GRIN2C: variants seen among roughly 807,000 people sequenced by gnomAD.
The protein encoded by GRIN2C is glutamate ionotropic receptor NMDA type subunit 2C.
A neutral mutation model predicts 77.7 loss-of-function variants in GRIN2C; 64 were observed. That is an observed-to-expected ratio of 0.82 (90% CI 0.67 to 1.01). The LOEUF (loss-of-function observed/expected upper bound fraction) is 1.01, where lower values mean the gene tolerates loss of function less well. Ranked by LOEUF, GRIN2C falls within the 50% of genes least tolerant of loss-of-function variation. The pLI is 0.00. For missense variants in GRIN2C, 1,549 were observed against 1,486.0 expected (o/e 1.04, Z -0.70); for synonymous variants, 792 against 643.4 (o/e 1.23, Z -3.49).
At chr17:74,854,071 C>G (rs1271230540) in intron 2 of GRIN2C, 5 of 152,774 alleles carry the variant, frequency 3.3e-5, no homozygotes, top group African/African-American at 1.2e-4. Flanking sequence ...GGGCCTCTCC[C>G]CCTCCCCACC....
Position 74,846,006 on chromosome 17 carries a change from A to C in GRIN2C, c.2350+60T>G. 1.3e-6 allele frequency: 2 copies of C among 1,486,034 alleles called. No individual in the cohort carries two copies. The highest frequency in any genetic ancestry group is 9.4e-7 in the Non-Finnish European group (1 of 1,068,478). 92.1% of individuals were successfully genotyped at this position (1,486,034 alleles called of 1,614,324 possible). The stretch of plus-strand genomic sequence containing the variant: ...CTTGGGAACTTGAGTGGTGGTGGAA[A>C]TGCTGACAACCTTGGGCTCCACAGC... On this transcript the variant is annotated intron_variant, in intron 11 of 12. Coordinates refer to ENST00000293190, the MANE Select transcript of GRIN2C (RefSeq NM_000835.6). This position sits in a 1 kb window ranked among gnomAD's most constrained non-coding sequence, Gnocchi z 4.4.
chr17:74,851,514 A>G, intron 4 of GRIN2C, 63 bp downstream of exon 4: 1 of 902,870 alleles, frequency 1.1e-6, no homozygotes, highest in Non-Finnish European at 1.8e-6. Flanking sequence ...AGCTGTGGGC[A>G]CAAGAGGAGG....
chr17:74,854,619 C>A (rs1280293580), intron 2 of GRIN2C, 75 bp downstream of exon 2: 1 of 1,328,396 alleles, frequency 7.5e-7, no homozygotes, highest in South Asian at 1.3e-5. Flanking sequence ...TCCCAGCTTC[C>A]CAGAACCAAA....
At position 74,849,452 on chromosome 17, in the gene GRIN2C, C is replaced by T. The variant is rs1406691054; in HGVS notation, c.1645+328G>A. Among the ~76,000 whole-genome samples the T allele has an allele frequency of 6.6e-6, 1 of 152,194 alleles. No homozygotes were observed. The highest frequency in any genetic ancestry group is 2.4e-5 in the African/African-American group (1 of 41,442). On this transcript the variant is annotated intron_variant, in intron 7 of 12. Coordinates refer to ENST00000293190, the MANE Select transcript of GRIN2C (RefSeq NM_000835.6). This position sits in a 1 kb window ranked among gnomAD's most constrained non-coding sequence, Gnocchi z 4.6. ...ACTACACTCGCTCCTCAACTCCCCA[C>T]GGGCCTCCCCCACTCGTTCCACAGT...
In GRIN2C at chr17:74,847,246, A is replaced by G. The variant is rs938962073; in HGVS notation, c.2001+62T>C. 4 of 1,064,232 alleles carry G rather than the reference A, an allele frequency of 3.8e-6. No homozygotes were observed. The African/African-American group carries it at 6.7e-5, about 18-fold the overall frequency. 65.9% of individuals were successfully genotyped at this position (1,064,232 alleles called of 1,614,324 possible). On this transcript the variant is annotated intron_variant, in intron 9 of 12. Transcript: ENST00000293190. This position sits in a 1 kb window ranked among gnomAD's most constrained non-coding sequence, Gnocchi z 5.2. ...AGACTCGACTGTCCAGGGCCTGCCCACTCACGGCCTGTCCCCACCCTCAGT... is the reference window on the plus strand; with the variant it reads ...AGACTCGACTGTCCAGGGCCTGCCCGCTCACGGCCTGTCCCCACCCTCAGT...
chr17:74,849,938 G>A lies in GRIN2C; in HGVS notation c.1492-5C>T, dbSNP rs1049454775. 1 of 1,610,858 alleles carries A rather than the reference G, an allele frequency of 6.2e-7. No homozygotes were observed. The highest frequency in any genetic ancestry group is 1.3e-5 in the African/African-American group (1 of 74,634). On this transcript the variant is annotated splice_polypyrimidine_tract_variant and splice_region_variant and intron_variant, in intron 6 of 12. Coordinates refer to ENST00000293190, the MANE Select transcript of GRIN2C (RefSeq NM_000835.6). This position sits in a 1 kb window ranked among gnomAD's most constrained non-coding sequence, Gnocchi z 4.6. ...GTCTGCCCGCTTGTAGTACACCTGGGGGCCGGACGCCACGGAGGTTTGAAA... is the reference window on the plus strand; with the variant it reads ...GTCTGCCCGCTTGTAGTACACCTGGAGGCCGGACGCCACGGAGGTTTGAAA...
At position 74,842,851 on chromosome 17, in the gene GRIN2C, G is replaced by A. The variant is rs1043619242; in HGVS notation, c.3286C>T (p.Leu1096=). 3.5e-6 allele frequency: 2 copies of A among 565,580 alleles called. No homozygotes were observed. The highest frequency in any genetic ancestry group is 3.1e-6 in the Non-Finnish European group (1 of 326,766). The allele number at this position is 565,580 out of a possible 1,614,324, so 35.0% of individuals were successfully genotyped here. ...VAEAFARPSS[L]PAGCTGPACA... ...GCGGGGCCGGTGCACCCAGCGGGCA[G>A]CGAGCTGGGCCGAGCGAAGGCCTCG... is the stretch of plus-strand genomic sequence containing the variant. Residue 1096 remains leucine (L), a synonymous_variant, in exon 13 of 13, where the codon CTG becomes TTG. Coordinates refer to ENST00000293190, the MANE Select transcript of GRIN2C (RefSeq NM_000835.6).
At position 74,847,250 on chromosome 17, in the gene GRIN2C, A is replaced by G; in HGVS notation, c.2001+58T>C. On this transcript the variant is annotated intron_variant, in intron 9 of 12. Transcript: ENST00000293190. This position sits in a 1 kb window ranked among gnomAD's most constrained non-coding sequence, Gnocchi z 5.2. ...TCGACTGTCCAGGGCCTGCCCACTC[A>G]CGGCCTGTCCCCACCCTCAGTGCCC... 1.9e-6 allele frequency: 2 copies of G among 1,071,066 alleles called. No individual in the cohort carries two copies. The highest frequency in any genetic ancestry group is 2.8e-6 in the Non-Finnish European group (2 of 713,402). The allele number at this position is 1,071,066 out of a possible 1,614,324, so 66.3% of individuals were successfully genotyped here.
chr17:74,847,553 G>T lies in GRIN2C; in HGVS notation c.1772-16C>A. The stretch of plus-strand genomic sequence containing the variant: ...CCCCCGGACTCTGGGGGCAAGAGGC[G>T]GGGGGATGCTGGAGCTCCTCCTGCC... On this transcript the variant is annotated splice_polypyrimidine_tract_variant and intron_variant, in intron 8 of 12. Transcript: ENST00000293190. This position sits in a 1 kb window ranked among gnomAD's most constrained non-coding sequence, Gnocchi z 5.2. 2 of 1,561,762 alleles carry T rather than the reference G, an allele frequency of 1.3e-6. No individual in the cohort carries two copies. Among genetic ancestry groups the T allele is most frequent in the Non-Finnish European group, 1.8e-6 (2 of 1,136,312 alleles).
rs1297481156 is a variant in GRIN2C, at chr17:74,846,421, C to A, written c.2163-168G>T. On this transcript the variant is annotated intron_variant, in intron 10 of 12. Transcript: ENST00000293190. The surrounding 1 kb of genome is among the most constrained non-coding windows in gnomAD (Gnocchi z 4.4). ...CTTGGGTCCTGGATGGGGTGAGGAC[C>A]CCTCCCACCCTCCTCTGCAGAGTGG... 6.6e-6 allele frequency among the ~76,000 whole-genome samples: 1 copy of A among 152,138 alleles called. No individual in the cohort carries two copies. The highest frequency in any genetic ancestry group is 1.5e-5 in the Non-Finnish European group (1 of 68,032).
intron 1 of GRIN2C, among the ~76,000 whole-genome samples, chr17:74,855,920 G>A (rs1047702041): frequency 2.6e-5 from 4 of 152,228 alleles, no homozygotes; most frequent in Admixed American, 1.3e-4. Flanking sequence ...CCGCAGCAGG[G>A]TGCAACAGCA....
At chr17:74,854,266 G>A (rs34939921) in intron 2 of GRIN2C, 5 of 169,482 alleles carry the variant, frequency 3.0e-5, no homozygotes, top group Non-Finnish European at 6.3e-5. Flanking sequence ...CCCTGCAAGG[G>A]CAGGGCCGTT....
At chr17:74,848,122 G>A in intron 7 of GRIN2C, 145 bp from the exon 8 acceptor site, 1 of 794,006 alleles carries the variant, frequency 1.3e-6, no homozygotes, top group South Asian at 1.7e-5. Context: ...CTCTGACTCA[G>A]AGCAGCAGAG....
At chr17:74,844,987 A>G (rs942830687) in intron 11 of GRIN2C, among the ~76,000 whole-genome samples, 5 of 152,088 alleles carry the variant, frequency 3.3e-5, no homozygotes, top group African/African-American at 1.2e-4. Context: ...GCTGGGGTGC[A>G]GTGGTGTGAT....
At chr17:74,852,982 G>A (rs1367060945) in intron 2 of GRIN2C, 2 of 201,346 alleles carry the variant, frequency 9.9e-6, no homozygotes, top group East Asian at 1.1e-4. Context: ...CCGCTAGACT[G>A]AGAAGCGCTG....
At position 74,843,369 on chromosome 17, in the gene GRIN2C, C is replaced by T; in HGVS notation, c.2768G>A (p.Trp923Ter). The T allele has an allele frequency of 2.0e-6, 3 of 1,529,264 alleles. No homozygotes were observed. Among genetic ancestry groups the T allele is most frequent in the Non-Finnish European group, 2.6e-6 (3 of 1,142,420 alleles). The allele number at this position is 1,529,264 out of a possible 1,614,324, so 94.7% of individuals were successfully genotyped here. A position where few individuals can be genotyped will look rare whatever the true frequency, so the allele number is the denominator to read the frequency against. The change falls in exon 13 of 13, where the codon TGG (tryptophan) becomes TAG (stop). Residue 923 changes from tryptophan (W) to a stop codon, truncating the protein, a stop_gained. Coordinates refer to ENST00000293190, the MANE Select transcript of GRIN2C (RefSeq NM_000835.6). LOFTEE classifies it low-confidence loss of function (END_TRUNC). ...TGGGGGCGCACGGCGGCCGCCACCC[C>T]AATTCTCGATGGTGCGAGTGGCGCG... is the stretch of plus-strand genomic sequence containing the variant. The part of the protein sequence containing the change: ...LDRATRTIEN[W>*]GGGRRAPPPS...
chr17:74,855,212 G>A, intron 1 of GRIN2C, 105 bp from the exon 2 acceptor site: 4 of 929,450 alleles, frequency 4.3e-6, no homozygotes, highest in Non-Finnish European at 6.2e-6. Flanking sequence ...AGATGAAAGA[G>A]AAGAGGGGAA....
rs951120752 is a variant in GRIN2C at position 74,850,760 on chromosome 17, C to A, written c.1121G>T (p.Arg374Leu). ...CATGTATAGGACGCCATGCTCCCAG[C>A]GCCCCACCTGTGGAGGGTGACAGCC... ...NRHRLWEMVGRWEHGVLYMKY... is the reference protein window; with the variant it reads ...NRHRLWEMVGLWEHGVLYMKY... The change falls in exon 5 of 13, where the codon CGC becomes CTC. Residue 374 changes from arginine (R) to leucine (L), a missense_variant. Arg to Leu is a moderately radical substitution (Grantham distance 102, BLOSUM62 -2). Around this residue, in one of 3 missense-constraint regions of GRIN2C, gnomAD observed 717 missense variants for 858.1 expected, o/e 0.84. Transcript: ENST00000293190. The surrounding 1 kb of genome is among the most constrained non-coding windows in gnomAD (Gnocchi z 5.3). 1.2e-6 allele frequency: 2 copies of A among 1,611,144 alleles called. No individual in the cohort carries two copies. Among genetic ancestry groups the A allele is most frequent in the East Asian group, 4.5e-5 (2 of 44,812 alleles).
At chr17:74,861,144 C>A (rs1424829082), upstream of GRIN2C, among the ~76,000 whole-genome samples, 1 of 152,200 alleles carries the variant, frequency 6.6e-6, no homozygotes, top group African/African-American at 2.4e-5. Context: ...TGGGGACGAA[C>A]GTCTTGGACG....
Sources: allele counts gnomAD v4.1 joint callset (sites outside exome capture counted in the v4.1 genomes callset), GRCh38; gene constraint gnomAD v4.1.1; regional missense constraint gnomAD v4.1.1; non-coding constraint Gnocchi (gnomAD v3.1); transcripts MANE v1.5; gene names NCBI Gene and HGNC (gene_info 2026-07-23, HGNC 2026-07-21).